Variants in DOCK4 observed in about 807,000 individuals in gnomAD.
DOCK4 encodes the protein dedicator of cytokinesis protein 4.
In DOCK4, 97 loss-of-function variants were observed where a neutral mutation model predicts 268.1. That is an observed-to-expected ratio of 0.36 (90% CI 0.31 to 0.43). The LOEUF (loss-of-function observed/expected upper bound fraction) is 0.43. Ranked by LOEUF, DOCK4 falls within the 20% of genes least tolerant of loss-of-function variation. The probability of loss-of-function intolerance (pLI) is 1.00; values close to 1 mark genes in which losing one functional copy is unlikely to be tolerated. For missense variants in DOCK4, 2,145 were observed against 2,455.7 expected, an observed-to-expected ratio of 0.87 and a Z score of 2.67; for synonymous variants, 954 against 887.2, an observed-to-expected ratio of 1.08 and a Z score of -1.34.
chr7:111,851,860 A>G (rs1374898496), intron 23 of DOCK4, among the ~76,000 whole-genome samples: 1 of 151,790 alleles, frequency 6.6e-6, no homozygotes, highest in African/African-American at 2.4e-5. Flanking sequence ...TCCTATATCT[A>G]TAGATAAAAG....
chr7:111,816,993 G>A (rs925961391), intron 27 of DOCK4, among the ~76,000 whole-genome samples: 13 of 152,158 alleles, frequency 8.5e-5, no homozygotes, highest in African/African-American at 3.1e-4. Context: ...TACACAGAGT[G>A]ACTCTGAAAA....
chr7:111,838,086 CAAAAAAAAAA>C (rs749907970), intron 25 of DOCK4, among the ~76,000 whole-genome samples: 8 of 29,850 alleles, frequency 2.7e-4, no homozygotes, highest in African/African-American at 6.0e-4. Context: ...AACCCTACCT[CAAAAAAAAAA>C]AAAAAAAAAA....
chr7:111,795,244 G>A (rs1204035191), intron 30 of DOCK4, among the ~76,000 whole-genome samples: 1 of 152,056 alleles, frequency 6.6e-6, no homozygotes, highest in Non-Finnish European at 1.5e-5. Flanking sequence ...GAGGCAGGAG[G>A]ATCACGGAAG....
At chr7:111,955,464 GT>G (rs1796383915) in intron 8 of DOCK4, among the ~76,000 whole-genome samples, 1 of 152,170 alleles carries the variant, frequency 6.6e-6, no homozygotes, top group Admixed American at 6.6e-5. Flanking sequence ...AAGAATTTGG[GT>G]TTAGTTGAAT....
At chr7:111,970,776 T>C (rs1272741761) in intron 8 of DOCK4, among the ~76,000 whole-genome samples, 2 of 152,018 alleles carry the variant, frequency 1.3e-5, no homozygotes. Context: ...CATAAACAAG[T>C]GAGGAAGGTA....
intron 1 of DOCK4, among the ~76,000 whole-genome samples, chr7:112,158,879 A>G (rs1411963930): frequency 6.6e-6 from 1 of 152,182 alleles, no homozygotes; most frequent in African/African-American, 2.4e-5. Context: ...TTCCTTGCCC[A>G]TTCTCTTTTA....
intron 1 of DOCK4, among the ~76,000 whole-genome samples, chr7:112,009,159 G>T (rs1801093341): frequency 6.6e-6 from 1 of 152,212 alleles, no homozygotes; most frequent in Non-Finnish European, 1.5e-5. Context: ...TTTACAGGCT[G>T]ACCATCTAAG....
Position 111,901,842 on chromosome 7 carries a change from G to A in DOCK4, c.1193-41C>T, listed in dbSNP as rs376473221. ...AATTAAAACCATGTTATATATATAT[G>A]AGGAAATGTAATAAAGTGCTCTATC... On this transcript the variant is annotated intron_variant, in intron 13 of 52. Transcript: ENST00000428084. 1.4e-4 allele frequency: 194 copies of A among 1,432,700 alleles called. 1 individual carries two copies. The African/African-American group carries it at 2.5e-3, about 18-fold the overall frequency. The allele number at this position is 1,432,700 out of a possible 1,614,324, so 88.7% of individuals were successfully genotyped here.
chr7:111,751,440 TA>T (rs1436561900), intron 42 of DOCK4, among the ~76,000 whole-genome samples: 7 of 151,840 alleles, frequency 4.6e-5, no homozygotes, highest in Middle Eastern at 3.4e-3. Flanking sequence ...AGAGTAAAAA[TA>T]TTTTTTTTTT....
chr7:111,857,616 C>T (rs1805118544), intron 23 of DOCK4, among the ~76,000 whole-genome samples: 1 of 152,176 alleles, frequency 6.6e-6, no homozygotes, highest in Admixed American at 6.5e-5. Context: ...TTAACTCCAG[C>T]CATCTGTTAA....
chr7:111,940,187 G>T lies in DOCK4; in HGVS notation c.900C>A (p.Pro300=). The change falls in exon 11 of 53, where the codon CCC becomes CCA. Residue 300 remains proline (P), a synonymous_variant. Coordinates refer to ENST00000428084, the MANE Select transcript of DOCK4 (RefSeq NM_001363540.2). ...CGATGCTAAGAACTGCACAGCCAAAGGGTCGTCGGTACTGGACACTACAGG... is the reference window on the plus strand; with the variant it reads ...CGATGCTAAGAACTGCACAGCCAAATGGTCGTCGGTACTGGACACTACAGG... The part of the protein sequence containing the change: ...KNACSVQYRR[P]FGCAVLSIAD... 1 of 1,613,974 alleles carries T rather than the reference G, an allele frequency of 6.2e-7. No individual in the cohort carries two copies. The highest frequency in any genetic ancestry group is 8.5e-7 in the Non-Finnish European group (1 of 1,179,876).
At chr7:111,844,464 T>C (rs2134079294) in intron 25 of DOCK4, among the ~76,000 whole-genome samples, 1 of 152,308 alleles carries the variant, frequency 6.6e-6, no homozygotes, top group East Asian at 1.9e-4. Context: ...GATAAGAGAA[T>C]AAAAAGTCAT....
intron 13 of DOCK4, among the ~76,000 whole-genome samples, chr7:111,913,140 T>C (rs988801618): frequency 6.6e-6 from 1 of 151,738 alleles, no homozygotes; most frequent in African/African-American, 2.4e-5. Context: ...ATTTTTTGTA[T>C]TTTTAGTAGA....
chr7:111,965,477 A>G (rs1426053239), intron 8 of DOCK4, among the ~76,000 whole-genome samples: 1 of 26,406 alleles, frequency 3.8e-5, no homozygotes, highest in Non-Finnish European at 5.6e-5. Context: ...ACATAATGGT[A>G]AAGGGATCAA....
At chr7:112,112,982 C>T (rs908411824) in intron 1 of DOCK4, among the ~76,000 whole-genome samples, 1 of 152,154 alleles carries the variant, frequency 6.6e-6, no homozygotes, top group African/African-American at 2.4e-5. Flanking sequence ...ACTCAGGAAA[C>T]CACAGATTTT....
intron 30 of DOCK4, among the ~76,000 whole-genome samples, chr7:111,793,493 T>A (rs1365870259): frequency 6.6e-6 from 1 of 152,236 alleles, no homozygotes; most frequent in Non-Finnish European, 1.5e-5. Flanking sequence ...TTTAATTGTT[T>A]GGGAAGTTTG....
chr7:111,885,426 T>G (rs1262026460), intron 16 of DOCK4, among the ~76,000 whole-genome samples: 1 of 152,172 alleles, frequency 6.6e-6, no homozygotes, highest in Non-Finnish European at 1.5e-5. Flanking sequence ...CATGGCAATG[T>G]GGATATGAGA....
At chr7:112,068,680 G>A (rs1409629683) in intron 1 of DOCK4, among the ~76,000 whole-genome samples, 1 of 152,142 alleles carries the variant, frequency 6.6e-6, no homozygotes, top group Admixed American at 6.5e-5. Context: ...ATTCCCATCG[G>A]CTGCAGCGAG....
intron 1 of DOCK4, among the ~76,000 whole-genome samples, chr7:112,126,596 G>C (rs1813237590): frequency 6.6e-6 from 1 of 152,108 alleles, no homozygotes; most frequent in Admixed American, 6.6e-5. Context: ...CACAGCAAAA[G>C]AAACTACCAT....
Sources: gnomAD v4.1 joint callset for allele counts (sites outside exome capture counted in the v4.1 genomes callset) on GRCh38, gnomAD v4.1.1 for gene constraint, MANE v1.5 for transcripts, NCBI Gene and HGNC (gene_info 2026-07-23, HGNC 2026-07-21) for gene names.